ELP3: variants seen among roughly 807,000 people sequenced by gnomAD.
ELP3 encodes elongator acetyltransferase complex subunit 3.
In ELP3, 56 loss-of-function variants were observed where a neutral mutation model predicts 74.9. The observed-to-expected ratio is 0.75, with a 90% CI of 0.60 to 0.93. The LOEUF (loss-of-function observed/expected upper bound fraction) is 0.93, where lower values mean the gene tolerates loss of function less well. Among genes scored for constraint, ELP3 ranks in the 40% least tolerant of loss-of-function variants. The pLI, the probability that ELP3 is intolerant of heterozygous loss-of-function variation, is 0.00. For missense variants in ELP3, 573 were observed against 686.5 expected, an observed-to-expected ratio of 0.83 and a Z score of 1.85; for synonymous variants, 222 against 239.8, an observed-to-expected ratio of 0.93 and a Z score of 0.68.
At chr8:28,153,468 G>C (rs1465372993) in intron 10 of ELP3, among the ~76,000 whole-genome samples, 1 of 152,216 alleles carries the variant, frequency 6.6e-6, no homozygotes, top group Non-Finnish European at 1.5e-5. Context: ...CCAGTGAAAA[G>C]AGCAAGCATG....
chr8:28,102,047 A>G (rs1811510524), intron 3 of ELP3, among the ~76,000 whole-genome samples: 1 of 152,006 alleles, frequency 6.6e-6, no homozygotes, highest in Non-Finnish European at 1.5e-5. Flanking sequence ...TGGCTACCTT[A>G]TTGTGCTTAC....
Position 28,160,215 on chromosome 8 carries a change from T to G in ELP3, c.1258-14T>G, listed in dbSNP as rs1421857120. The G allele has an allele frequency of 1.3e-6, 2 of 1,598,646 alleles. No homozygotes were observed. Among genetic ancestry groups the G allele is most frequent in the South Asian group, 2.3e-5 (2 of 88,354 alleles). ...AATTTTGAATAATATTTTTTGTGGC[T>G]TTTTACTAAATAGGTTGAATTGGTA... On this transcript the variant is annotated splice_polypyrimidine_tract_variant and intron_variant, in intron 12 of 14. Transcript: ENST00000256398.
In ELP3 at chr8:28,110,657, T is replaced by C. The variant is rs1444492319; in HGVS notation, c.462+219T>C. 1.6e-5 allele frequency: 7 copies of C among 427,364 alleles called. No homozygotes were observed. The East Asian group carries it at 2.5e-4, about 15-fold the overall frequency. The allele number at this position is 427,364 out of a possible 1,614,324, so 26.5% of individuals were successfully genotyped here. A position where few individuals can be genotyped will look rare whatever the true frequency, so the allele number is the denominator to read the frequency against. On this transcript the variant is annotated intron_variant, in intron 6 of 14. Transcript: ENST00000256398. The stretch of plus-strand genomic sequence containing the variant: ...GACTGTATTTATTGTTTAAGGGTTT[T>C]ATATTCTCTAAGTTTTTTTGAATTT...
intron 11 of ELP3, among the ~76,000 whole-genome samples, chr8:28,157,768 G>A (rs966790050): frequency 1.3e-5 from 2 of 152,118 alleles, no homozygotes; most frequent in African/African-American, 2.4e-5. Flanking sequence ...GAAAAGGATT[G>A]TGTAATTGTA....
intron 14 of ELP3, among the ~76,000 whole-genome samples, chr8:28,179,630 C>G (rs1324720566): frequency 1.3e-5 from 2 of 152,144 alleles, no homozygotes; most frequent in African/African-American, 2.4e-5. Context: ...GAGCTCCAAG[C>G]TTATTTTCCT....
chr8:28,149,703 C>A (rs1438721711), intron 10 of ELP3, among the ~76,000 whole-genome samples: 3 of 152,052 alleles, frequency 2.0e-5, no homozygotes, highest in African/African-American at 7.2e-5. Context: ...TATTTATGTT[C>A]TCCTGCTTAC....
upstream of ELP3, chr8:28,090,351 T>C: frequency 5.2e-6 from 2 of 383,404 alleles, no homozygotes; most frequent in Admixed American, 3.0e-5. Context: ...AGTGCCCAAC[T>C]CTGGAGCCCA....
chr8:28,120,581 T>C (rs1247021797), intron 7 of ELP3, among the ~76,000 whole-genome samples: 1 of 152,212 alleles, frequency 6.6e-6, no homozygotes, highest in Non-Finnish European at 1.5e-5. Flanking sequence ...TTTTCTTTCA[T>C]GGTTATTGCT....
intron 14 of ELP3, among the ~76,000 whole-genome samples, chr8:28,171,352 CTTTT>C (rs35043302): frequency 6.7e-6 from 1 of 148,912 alleles, no homozygotes; most frequent in Non-Finnish European, 1.5e-5. Flanking sequence ...TGAGATTTTT[CTTTT>C]TTTTTTTTTA....
chr8:28,187,408 C>T (rs144214690), intron 14 of ELP3, among the ~76,000 whole-genome samples: 4 of 152,294 alleles, frequency 2.6e-5, no homozygotes, highest in African/African-American at 7.2e-5. Flanking sequence ...AAATCCCTGC[C>T]CTCCTGGAGC....
rs1446030147 is a variant in ELP3 at position 28,189,947 on chromosome 8, C to G, written c.*222C>G. 1 of 456,374 alleles carries G rather than the reference C, an allele frequency of 2.2e-6. No homozygotes were observed. The allele number at this position is 456,374 out of a possible 1,614,324, so 28.3% of individuals were successfully genotyped here. ...TGCGTGCACCCCAAAAAATCACTTG[C>G]GTTTTTGAGGCTTAAATCATCTATC... On this transcript the variant is annotated 3_prime_UTR_variant, in exon 15 of 15. Transcript: ENST00000256398.
chr8:28,099,842 C>G lies in ELP3; in HGVS notation c.134C>G (p.Thr45Arg), dbSNP rs746240180. 1 of 1,614,222 alleles carries G rather than the reference C, an allele frequency of 6.2e-7. No homozygotes were observed. The highest frequency in any genetic ancestry group is 8.5e-7 in the Non-Finnish European group (1 of 1,180,040). ...DIDLNKVKTK[T>R]AAKYGLSAQP... ...TTTACTTTCAGGGTGAAAACCAAGACAGCTGCCAAATATGGCCTTTCTGCC... is the reference window on the plus strand; with the variant it reads ...TTTACTTTCAGGGTGAAAACCAAGAGAGCTGCCAAATATGGCCTTTCTGCC... Residue 45 changes from threonine to arginine, a missense_variant, in exon 3 of 15, where the codon ACA (threonine) becomes AGA (arginine). Coordinates refer to ENST00000256398, the MANE Select transcript of ELP3 (RefSeq NM_018091.6).
At chr8:28,177,895 C>T (rs1056309841) in intron 14 of ELP3, among the ~76,000 whole-genome samples, 1 of 152,198 alleles carries the variant, frequency 6.6e-6, no homozygotes, top group Non-Finnish European at 1.5e-5. Context: ...CTTATTTCTT[C>T]CTCTGTTACA....
At chr8:28,091,176 G>T (rs1200729928), upstream of ELP3, among the ~76,000 whole-genome samples, 1 of 152,048 alleles carries the variant, frequency 6.6e-6, no homozygotes, top group Non-Finnish European at 1.5e-5. Flanking sequence ...AAAGTGCTGG[G>T]ATTACAGGCA....
intron 10 of ELP3, among the ~76,000 whole-genome samples, chr8:28,145,082 A>G (rs1813381726): frequency 6.6e-6 from 1 of 152,126 alleles, no homozygotes; most frequent in South Asian, 2.1e-4. Flanking sequence ...CAAAAGCTAG[A>G]TAGTAAAATT....
intron 10 of ELP3, among the ~76,000 whole-genome samples, chr8:28,152,518 G>A (rs1003643358): frequency 5.9e-5 from 9 of 152,168 alleles, no homozygotes; most frequent in African/African-American, 1.7e-4. Context: ...TAAGAAGCTC[G>A]GCAGTGGCTG....
chr8:28,163,395 C>A (rs1814179212), intron 14 of ELP3, among the ~76,000 whole-genome samples: 1 of 152,000 alleles, frequency 6.6e-6, no homozygotes, highest in Non-Finnish European at 1.5e-5. Context: ...TAAGTTGTTG[C>A]CAATCAGTAA....
chr8:28,126,574 G>A (rs547686211), intron 7 of ELP3, among the ~76,000 whole-genome samples: 20 of 152,286 alleles, frequency 1.3e-4, no homozygotes, highest in African/African-American at 4.3e-4. Context: ...AGTTGACAGA[G>A]TTGCTGCATG....
chr8:28,181,287 C>T lies in ELP3; in HGVS notation c.1568-8362C>T, dbSNP rs775942842. On this transcript the variant is annotated intron_variant, in intron 14 of 14. Coordinates refer to ENST00000256398, the MANE Select transcript of ELP3 (RefSeq NM_018091.6). ...ACTCTTCTGCCCTGCCTCTAGCTTCCATCATTGAACCTTCTTTGTTGTTTT... is the reference window on the plus strand; with the variant it reads ...ACTCTTCTGCCCTGCCTCTAGCTTCTATCATTGAACCTTCTTTGTTGTTTT... Among the ~76,000 whole-genome samples the T allele has an allele frequency of 1.3e-3, 199 of 152,326 alleles. 1 individual carries two copies. Among genetic ancestry groups the T allele is most frequent in the Non-Finnish European group, 4.0e-4 (27 of 68,042 alleles).
Sources: gnomAD v4.1 joint callset for allele counts (sites outside exome capture counted in the v4.1 genomes callset) on GRCh38, gnomAD v4.1.1 for gene constraint, MANE v1.5 for transcripts, NCBI Gene and HGNC (gene_info 2026-07-23, HGNC 2026-07-21) for gene names.